Variants in PLCB1 observed in about 807,000 individuals in gnomAD.
The protein encoded by PLCB1 is 1-phosphatidylinositol 4,5-bisphosphate phosphodiesterase beta-1.
A neutral mutation model predicts 161.8 loss-of-function variants in PLCB1; 46 were observed. The observed-to-expected ratio is 0.28, with a 90% CI of 0.22 to 0.36. PLCB1 has a LOEUF of 0.36. Ranked by LOEUF, PLCB1 falls within the 10% of genes least tolerant of loss-of-function variation. PLCB1 has a pLI of 1.00. For missense variants in PLCB1, 1,016 were observed against 1,472.5 expected (o/e 0.69, Z 5.07); for synonymous variants, 517 against 503.7 (o/e 1.03, Z -0.35).
chr20:8,600,420 G>C (rs1274986801), intron 3 of PLCB1, among the ~76,000 whole-genome samples: 2 of 143,520 alleles, frequency 1.4e-5, no homozygotes, highest in African/African-American at 2.7e-5. Context: ...TCGGGGGTCA[G>C]GGGTCAGGGA....
At chr20:8,162,970 G>A (rs184277749) in intron 2 of PLCB1, among the ~76,000 whole-genome samples, 3 of 152,276 alleles carry the variant, frequency 2.0e-5, no homozygotes, top group Admixed American at 6.5e-5. Context: ...TTTTAACCCT[G>A]ACATAGTTCA....
At position 8,757,050 on chromosome 20, in the gene PLCB1, A is replaced by G; in HGVS notation, c.2528A>G (p.Asp843Gly). 1 of 1,602,826 alleles carries G rather than the reference A, an allele frequency of 6.2e-7. No homozygotes were observed. The highest frequency in any genetic ancestry group is 8.5e-7 in the Non-Finnish European group (1 of 1,175,104). The part of the protein sequence containing the change: ...EDEEEVKKEA[D>G]PGETPSEAPS... ...AAAGGATATTTATAATTTTAGGCTG[A>G]TCCTGGAGAAACACCATCAGAGGCT... Residue 843 changes from aspartate (D) to glycine (G), a missense_variant, in exon 24 of 32, where the codon GAT (aspartate) becomes GGT (glycine). Asp to Gly is a moderately conservative substitution (Grantham distance 94, BLOSUM62 -1). This residue lies in a region of PLCB1 where 398 missense variants were observed against 445.4 expected (regional missense o/e 0.89). Transcript: ENST00000338037.
intron 31 of PLCB1, among the ~76,000 whole-genome samples, 199 bp downstream of exon 31, chr20:8,790,460 A>G (rs1444510053): frequency 6.6e-6 from 1 of 152,210 alleles, no homozygotes; most frequent in Non-Finnish European, 1.5e-5. Flanking sequence ...TGAGCTTTTA[A>G]AAACTGCAAA....
intron 3 of PLCB1, among the ~76,000 whole-genome samples, chr20:8,382,923 T>C (rs1216407268): frequency 6.6e-6 from 1 of 152,212 alleles, no homozygotes; most frequent in Non-Finnish European, 1.5e-5. Flanking sequence ...TCAGTACTTT[T>C]GCATTTGCTG....
intron 3 of PLCB1, among the ~76,000 whole-genome samples, chr20:8,438,929 A>G (rs889755005): frequency 6.6e-6 from 1 of 152,166 alleles, no homozygotes; most frequent in African/African-American, 2.4e-5. Context: ...CATGACCTTC[A>G]GTCACTGCCT....
intron 3 of PLCB1, among the ~76,000 whole-genome samples, chr20:8,406,771 A>C (rs989412677): frequency 2.2e-4 from 33 of 152,162 alleles, no homozygotes; most frequent in African/African-American, 8.0e-4. Context: ...AAATTCCCAG[A>C]AAAAACAAGA....
chr20:8,699,990 A>G (rs1045770777), intron 11 of PLCB1, among the ~76,000 whole-genome samples: 1 of 152,346 alleles, frequency 6.6e-6, no homozygotes, highest in East Asian at 1.9e-4. Context: ...TCATTTCCAT[A>G]GTCCCACTTC....
chr20:8,697,904 TTGCAATTTCAGAGGC>T (rs1990616432), intron 11 of PLCB1, 121 bp downstream of exon 11: 1 of 864,484 alleles, frequency 1.2e-6, no homozygotes, highest in African/African-American at 1.7e-5. Context: ...TTAATCATCT[TTGCAATTTCAGAGGC>T]TAAAATTTGG....
chr20:8,681,613 A>G (rs1349666404), intron 9 of PLCB1, among the ~76,000 whole-genome samples: 6 of 152,150 alleles, frequency 3.9e-5, no homozygotes, highest in African/African-American at 1.2e-4. Context: ...AGTTTTCCAT[A>G]CCCTGTGACT....
At chr20:8,781,702 C>T (rs377624423) in intron 27 of PLCB1, among the ~76,000 whole-genome samples, 6 of 152,290 alleles carry the variant, frequency 3.9e-5, no homozygotes, top group African/African-American at 1.2e-4. Context: ...CATAGTTTCA[C>T]ATGGCTGGGG....
rs760306590 is a variant in PLCB1 at position 8,717,793 on chromosome 20, C to G, written c.1458C>G (p.Ala486=). 3.1e-6 allele frequency: 5 copies of G among 1,614,016 alleles called. No homozygotes were observed. Among genetic ancestry groups the G allele is most frequent in the Non-Finnish European group, 4.2e-6 (5 of 1,179,960 alleles). ...GCAAAAAGAAGCTCTCAGAACAAGC[C>G]TCCAACACCTACAGTGACTCCTCCA... ...GSGKKKLSEQ[A]SNTYSDSSSM... The change falls in exon 14 of 32, where the codon GCC becomes GCG. Residue 486 remains alanine, a synonymous_variant. Coordinates refer to ENST00000338037, the MANE Select transcript of PLCB1 (RefSeq NM_015192.4).
rs1292981718 is a variant in PLCB1, at chr20:8,541,600, G to GAAAGAAAGAAATAAAGAAAT, written c.247-86686_247-86685insAAATAAAGAAATAAAGAAAG. Among the ~76,000 whole-genome samples the GAAAGAAAGAAATAAAGAAAT allele has an allele frequency of 7.2e-3, 1,092 of 150,746 alleles. 13 individuals are homozygous for GAAAGAAAGAAATAAAGAAAT. Among genetic ancestry groups the GAAAGAAAGAAATAAAGAAAT allele is most frequent in the Non-Finnish European group, 0.011 (728 of 67,666 alleles). Reference sequence around the variant, plus strand: ...AGAAAGAAAGAAAGAAAGAAAGAAAGAAAGAAAGGAAGGAAGATAGTAATG... The same window carrying GAAAGAAAGAAATAAAGAAAT: ...AGAAAGAAAGAAAGAAAGAAAGAAAGAAAGAAAGAAATAAAGAAATAAAGAAAGGAAGGAAGATAGTAATG... On this transcript the variant is annotated intron_variant, in intron 3 of 31. Coordinates refer to ENST00000338037, the MANE Select transcript of PLCB1 (RefSeq NM_015192.4).
chr20:8,696,227 C>T (rs1245020134), intron 10 of PLCB1, among the ~76,000 whole-genome samples: 1 of 152,132 alleles, frequency 6.6e-6, no homozygotes, highest in Non-Finnish European at 1.5e-5. Context: ...TTTTATGTGG[C>T]TATCCAGTTG....
chr20:8,456,562 A>C (rs1981326953), intron 3 of PLCB1, among the ~76,000 whole-genome samples: 1 of 152,232 alleles, frequency 6.6e-6, no homozygotes, highest in African/African-American at 2.4e-5. Flanking sequence ...TGAGAAAAAT[A>C]AATAAATTTC....
intron 2 of PLCB1, among the ~76,000 whole-genome samples, chr20:8,212,496 A>G (rs1326395486): frequency 6.8e-6 from 1 of 146,990 alleles, no homozygotes; most frequent in East Asian, 2.0e-4. Context: ...TTTCAAGTAA[A>G]CATGTCTCTG....
At chr20:8,533,183 G>A (rs1449565399) in intron 3 of PLCB1, among the ~76,000 whole-genome samples, 3 of 151,982 alleles carry the variant, frequency 2.0e-5, no homozygotes, top group Admixed American at 2.0e-4. Context: ...TCCCCAAAAA[G>A]GACATGAACT....
chr20:8,466,088 T>C (rs940260942), intron 3 of PLCB1, among the ~76,000 whole-genome samples: 2 of 147,128 alleles, frequency 1.4e-5, no homozygotes, highest in Non-Finnish European at 3.0e-5. Context: ...TGTCCAACAA[T>C]GATAGACTGG....
intron 31 of PLCB1, among the ~76,000 whole-genome samples, chr20:8,840,891 A>G (rs1443350721): frequency 6.6e-6 from 1 of 152,148 alleles, no homozygotes. Flanking sequence ...ATCTCAGCAC[A>G]CTGCAACCTC....
chr20:8,869,740 C>T (rs965252674), intron 31 of PLCB1, among the ~76,000 whole-genome samples: 11 of 152,110 alleles, frequency 7.2e-5, no homozygotes, highest in African/African-American at 1.7e-4. Context: ...CTGAGTGTGG[C>T]GGAGCTTAGC....
Sources: gnomAD v4.1 joint callset for allele counts (sites outside exome capture counted in the v4.1 genomes callset) on GRCh38, gnomAD v4.1.1 for gene constraint, gnomAD v4.1.1 regional missense constraint, MANE v1.5 for transcripts, NCBI Gene and HGNC (gene_info 2026-07-23, HGNC 2026-07-21) for gene names.